The following SLC49A3 variants were observed in gnomAD, a reference collection of about 807,000 sequenced individuals.
SLC49A3 encodes solute carrier family 49 member 3.
A neutral mutation model predicts 43.8 loss-of-function variants in SLC49A3; 50 were observed. The observed-to-expected ratio is 1.14, with a 90% CI of 0.91 to 1.45. The LOEUF (loss-of-function observed/expected upper bound fraction) is 1.45. Ranked by LOEUF, SLC49A3 falls within the 40% of genes most tolerant of loss-of-function variation. The pLI is 0.00. For synonymous variants in SLC49A3, 413 were observed against 352.0 expected (o/e 1.17, Z -1.94); for missense variants, 906 against 774.1 (o/e 1.17, Z -2.02).
chr4:678,388 G>C (rs28655411), downstream of SLC49A3: 272,075 of 1,412,320 alleles, frequency 0.19, 29,411 homozygotes, highest in African/African-American at 0.45. Context: ...CCTGCTGGAC[G>C]GCGATCCCTG....
At chr4:689,398 TC>T (rs1249965569), upstream of SLC49A3, 1 of 273,476 alleles carries the variant, frequency 3.7e-6, no homozygotes, top group African/African-American at 2.2e-5. Context: ...AAACCGAATG[TC>T]CCTTCCGGGA....
Position 683,596 on chromosome 4 carries a change from A to G in SLC49A3, c.993+13T>C. ...ACCCCCACAGGGCAGTCTTGGCTTG[A>G]GGAGACCCTCACCAGGGCAAAGGGC... On this transcript the variant is annotated intron_variant, in intron 7 of 9. Coordinates refer to ENST00000322224, the MANE Select transcript of SLC49A3 (RefSeq NM_032219.4). The G allele has an allele frequency of 2.7e-6, 3 of 1,110,802 alleles. No homozygotes were observed. Among genetic ancestry groups the G allele is most frequent in the Non-Finnish European group, 3.8e-6 (3 of 780,122 alleles). The allele number at this position is 1,110,802 out of a possible 1,614,324, so 68.8% of individuals were successfully genotyped here.
downstream of SLC49A3, chr4:679,224 C>T (rs1279444040): frequency 2.9e-6 from 2 of 698,436 alleles, no homozygotes; most frequent in Non-Finnish European, 5.1e-6. Flanking sequence ...GAGAGCATCC[C>T]AGGGTGAGAC....
At chr4:679,138 G>A (rs770103989), downstream of SLC49A3, 10 of 822,778 alleles carry the variant, frequency 1.2e-5, no homozygotes, top group South Asian at 5.7e-5. Flanking sequence ...CAGGGCCCGC[G>A]CCTCAGAGGC....
chr4:678,857 G>A (rs1739130307), downstream of SLC49A3: 1 of 1,608,160 alleles, frequency 6.2e-7, no homozygotes, highest in African/African-American at 1.3e-5. Flanking sequence ...CAGCAGGAGT[G>A]GAAGCCTATC....
At chr4:680,816 C>T (rs1311223320), downstream of SLC49A3, 6 of 631,374 alleles carry the variant, frequency 9.5e-6, no homozygotes, top group Non-Finnish European at 1.1e-5. Flanking sequence ...TCCCCTCAGC[C>T]CACTCCTCCA....
chr4:685,742 A>C lies in SLC49A3; in HGVS notation c.585+93T>G. ...CGGGGGACGGGAATCACACACGGGC[A>C]CAGGAACACGGACACACTTGGGATC... On this transcript the variant is annotated intron_variant, in intron 4 of 9. Coordinates refer to ENST00000322224, the MANE Select transcript of SLC49A3 (RefSeq NM_032219.4). This position sits in a 1 kb window ranked among gnomAD's most constrained non-coding sequence, Gnocchi z 4.3. 7.3e-7 allele frequency: 1 copy of C among 1,362,810 alleles called. No individual in the cohort carries two copies. Among genetic ancestry groups the C allele is most frequent in the Non-Finnish European group, 1.0e-6 (1 of 965,038 alleles). The allele number at this position is 1,362,810 out of a possible 1,614,324, so 84.4% of individuals were successfully genotyped here.
chr4:681,612 CCAGCGCCGCCCCGCCCCCT>C (rs1739570866), downstream of SLC49A3, among the ~76,000 whole-genome samples: 1 of 104,242 alleles, frequency 9.6e-6, no homozygotes, highest in Non-Finnish European at 2.0e-5. Context: ...CCCGCCCCCT[CCAGCGCCGCCCCGCCCCCT>C]CCAGCGCCGC....
chr4:681,779 G>GCCCCTCCCCGCTC (rs1413850129), downstream of SLC49A3: 9 of 1,221,296 alleles, frequency 7.4e-6, no homozygotes, highest in Admixed American at 8.7e-5. Context: ...CCGCACCCGG[G>GCCCCTCCCCGCTC]CCCCTCCCCG....
At chr4:688,861 G>A in intron 1 of SLC49A3, 132 bp downstream of exon 1, 1 of 1,367,530 alleles carries the variant, frequency 7.3e-7, no homozygotes, top group Non-Finnish European at 9.5e-7. Flanking sequence ...GCAATCCCTA[G>A]CCACCTCCAG....
Position 682,264 on chromosome 4 carries a change from G to C in SLC49A3, c.1374C>G (p.Thr458=). The C allele has an allele frequency of 7.3e-7, 1 of 1,376,782 alleles. No individual in the cohort carries two copies. Among genetic ancestry groups the C allele is most frequent in the Non-Finnish European group, 9.5e-7 (1 of 1,054,334 alleles). 85.3% of individuals were successfully genotyped at this position (1,376,782 alleles called of 1,614,324 possible). Residue 458 remains threonine, a synonymous_variant, in exon 10 of 10, where the codon ACC becomes ACG. Transcript: ENST00000322224. Reference sequence around the variant, plus strand: ...AGTCTGCGCCGCCCACGGCGTTACGGGTGGAGGGGGGCTCCCCAGACTCGG... The same window carrying C: ...AGTCTGCGCCGCCCACGGCGTTACGCGTGGAGGGGGGCTCCCCAGACTCGG... ...LQAESGEPPS[T]RNAVGGADSG...
chr4:679,924 C>A, downstream of SLC49A3: 1 of 1,613,736 alleles, frequency 6.2e-7, no homozygotes, highest in Non-Finnish European at 8.5e-7. Context: ...GCAAGACCAA[C>A]GTCAAGGACG....
chr4:681,959 TACGTGATCACCC>T lies in SLC49A3; in HGVS notation c.1667_1678del (p.Trp556_Thr559del). 7.3e-7 allele frequency: 1 copy of T among 1,370,110 alleles called. No homozygotes were observed. Among genetic ancestry groups the T allele is most frequent in the Non-Finnish European group, 9.5e-7 (1 of 1,048,486 alleles). The allele number at this position is 1,370,110 out of a possible 1,614,324, so 84.9% of individuals were successfully genotyped here. A position where few individuals can be genotyped will look rare whatever the true frequency, so the allele number is the denominator to read the frequency against. The stretch of plus-strand genomic sequence containing the variant: ...CAACCTGGACTACAAGGCGCTCAGC[TACGTGATCACCC>T]ACGGGGAGGAGAAGGAGGAGTGAGA... On this transcript the variant is annotated inframe_deletion, in exon 10 of 10. Coordinates refer to ENST00000322224, the MANE Select transcript of SLC49A3 (RefSeq NM_032219.4).
intron 6 of SLC49A3, 74 bp from the exon 7 acceptor site, chr4:683,835 GC>G (rs1324546082): frequency 2.0e-6 from 3 of 1,497,906 alleles, no homozygotes; most frequent in African/African-American, 1.4e-5. Flanking sequence ...AGGGCAGGGG[GC>G]TCAGTGTAGG....
downstream of SLC49A3, chr4:679,920 C>A: frequency 1.2e-6 from 2 of 1,613,696 alleles, no homozygotes; most frequent in Admixed American, 3.3e-5. Flanking sequence ...ACAGGCAAGA[C>A]CAACGTCAAG....
intron 6 of SLC49A3, among the ~76,000 whole-genome samples, chr4:683,979 G>T (rs527239309): frequency 1.3e-5 from 2 of 152,200 alleles, no homozygotes; most frequent in South Asian, 2.1e-4. Flanking sequence ...AAAGGGAAGA[G>T]CCTGTCTCCA....
At chr4:680,384 C>A, downstream of SLC49A3, 1 of 1,035,178 alleles carries the variant, frequency 9.7e-7, no homozygotes, top group Non-Finnish European at 1.5e-6. Flanking sequence ...GCAGAGGCCA[C>A]CTTGTGGGCA....
downstream of SLC49A3, chr4:679,790 C>G: frequency 1.3e-6 from 1 of 747,702 alleles, no homozygotes; most frequent in Non-Finnish European, 2.2e-6. Flanking sequence ...CTGGGCCAAG[C>G]GTCTCCTTCC....
intron 9 of SLC49A3, 70 bp from the exon 10 acceptor site, chr4:682,446 G>A: frequency 7.7e-7 from 1 of 1,292,102 alleles, no homozygotes; most frequent in Non-Finnish European, 9.9e-7. Context: ...GCCCAATGCT[G>A]GCCTATGGTG....
Sources: gnomAD v4.1 joint callset for allele counts (sites outside exome capture counted in the v4.1 genomes callset) on GRCh38, gnomAD v4.1.1 for gene constraint, Gnocchi (gnomAD v3.1) non-coding constraint, MANE v1.5 for transcripts, NCBI Gene and HGNC (gene_info 2026-07-23, HGNC 2026-07-21) for gene names.